The following AGBL1 variants were observed in gnomAD, a reference collection of about 807,000 sequenced individuals.
AGBL1 encodes AGBL carboxypeptidase 1, also known as cytosolic carboxypeptidase 4.
AGBL1 carries 130 observed loss-of-function variants against 118.9 expected under a neutral mutation model. The ratio of observed to expected loss-of-function variants is 1.09; its 90% CI spans 0.95 to 1.26. AGBL1 has a LOEUF of 1.26. AGBL1 is among the 50% of genes most tolerant of loss of function. The pLI, the probability that AGBL1 is intolerant of heterozygous loss-of-function variation, is 0.00. For missense variants in AGBL1, 1,584 were observed against 1,298.1 expected (o/e 1.22, Z -3.38); for synonymous variants, 555 against 478.9 (o/e 1.16, Z -2.08).
intron 23 of AGBL1, among the ~76,000 whole-genome samples, chr15:86,952,761 C>T (rs1225546599): frequency 6.6e-6 from 1 of 151,966 alleles, no homozygotes; most frequent in Admixed American, 6.6e-5. Context: ...TTGCCAAGAC[C>T]CATGTTAAAA....
intron 1 of AGBL1, among the ~76,000 whole-genome samples, chr15:86,141,044 C>G (rs987138805): frequency 6.6e-6 from 1 of 152,192 alleles, no homozygotes; most frequent in African/African-American, 2.4e-5. Flanking sequence ...AAAATACCCT[C>G]TCCTCCAAAT....
At chr15:86,824,369 T>C (rs533307328) in intron 22 of AGBL1, among the ~76,000 whole-genome samples, 7 of 152,210 alleles carry the variant, frequency 4.6e-5, no homozygotes, top group East Asian at 1.9e-4. Flanking sequence ...CACCCACATA[T>C]ACCCTTAACA....
intron 22 of AGBL1, among the ~76,000 whole-genome samples, chr15:86,791,728 TTATATATATATA>T (rs3059670): frequency 7.0e-6 from 1 of 142,874 alleles, no homozygotes; most frequent in East Asian, 2.0e-4. Flanking sequence ...TCCTTGTTTT[TTATATATATATA>T]TATATATATA....
intron 21 of AGBL1, among the ~76,000 whole-genome samples, chr15:86,579,531 A>G (rs2084144551): frequency 6.6e-6 from 1 of 152,186 alleles, no homozygotes; most frequent in African/African-American, 2.4e-5. Context: ...GTTCCATGCA[A>G]AAATGTAACT....
chr15:86,142,630 G>T (rs541560316), intron 2 of AGBL1, among the ~76,000 whole-genome samples: 10 of 152,222 alleles, frequency 6.6e-5, no homozygotes, highest in Middle Eastern at 6.8e-3. Context: ...ACACTGAACA[G>T]GCAATATCAG....
chr15:86,482,870 T>A lies in AGBL1; in HGVS notation c.2556-39940T>A, dbSNP rs143535024. On this transcript the variant is annotated intron_variant, in intron 18 of 22. Coordinates refer to ENST00000614907, the MANE Select transcript of AGBL1 (RefSeq NM_001386094.1). ...GCAAAGTATGTCTCATTATGTCAGATGAAGGATGACAAGGTTCATAAATTT... is the reference window on the plus strand; with the variant it reads ...GCAAAGTATGTCTCATTATGTCAGAAGAAGGATGACAAGGTTCATAAATTT... Among the ~76,000 whole-genome samples, 5 of 152,086 alleles carry A rather than the reference T, an allele frequency of 3.3e-5. No individual in the cohort carries two copies. The East Asian group carries it at 7.8e-4, about 24-fold the overall frequency.
At chr15:86,881,128 A>ACTTGTT (rs2079885720) in intron 22 of AGBL1, among the ~76,000 whole-genome samples, 1 of 152,154 alleles carries the variant, frequency 6.6e-6, no homozygotes, top group African/African-American at 2.4e-5. Context: ...GCTAAGTTCC[A>ACTTGTT]TTTTGCAACA....
chr15:86,695,796 C>A (rs749035177), intron 22 of AGBL1, among the ~76,000 whole-genome samples: 3 of 151,804 alleles, frequency 2.0e-5, no homozygotes, highest in Non-Finnish European at 2.9e-5. Context: ...GGTTGTGTCA[C>A]TATTATTGTT....
At chr15:86,626,996 A>C (rs7166299) in intron 21 of AGBL1, among the ~76,000 whole-genome samples, 86,387 of 150,110 alleles carry the variant, frequency 0.58, 24,769 homozygotes, top group Middle Eastern at 0.64. Flanking sequence ...TGCCACAACG[A>C]CCAGCTAATT....
At chr15:87,011,754 T>C (rs1479810066) in intron 24 of AGBL1, among the ~76,000 whole-genome samples, 1 of 152,206 alleles carries the variant, frequency 6.6e-6, no homozygotes, top group Non-Finnish European at 1.5e-5. Context: ...GATATTTGCT[T>C]AGGAGCTCAA....
rs116313076 is a variant in AGBL1, at chr15:86,382,674, T to A, written c.2375-14692T>A. Among the ~76,000 whole-genome samples the A allele has an allele frequency of 4.4e-3, 662 of 151,788 alleles. 1 individual carries two copies. The highest frequency in any genetic ancestry group is 8.4e-3 in the African/African-American group (348 of 41,376). On this transcript the variant is annotated intron_variant, in intron 17 of 22. Transcript: ENST00000614907. ...CAACAGTAACAATAATAATAATAATTATTATTATTCTCTTTCTTTTTATTT... is the reference window on the plus strand; with the variant it reads ...CAACAGTAACAATAATAATAATAATAATTATTATTCTCTTTCTTTTTATTT...
chr15:86,839,501 C>G (rs1372087773), intron 22 of AGBL1, among the ~76,000 whole-genome samples: 3 of 152,140 alleles, frequency 2.0e-5, no homozygotes, highest in Non-Finnish European at 2.9e-5. Context: ...TATTTGCTGT[C>G]CATATGTAGC....
intron 5 of AGBL1, among the ~76,000 whole-genome samples, chr15:86,201,006 A>C (rs1049609754): frequency 1.3e-5 from 2 of 152,228 alleles, no homozygotes; most frequent in African/African-American, 2.4e-5. Context: ...AGTACAAGGC[A>C]TATAGTAATA....
chr15:86,735,449 G>A (rs1320910495), intron 22 of AGBL1, among the ~76,000 whole-genome samples: 1 of 151,666 alleles, frequency 6.6e-6, no homozygotes, highest in East Asian at 1.9e-4. Context: ...ATGCTGAGTG[G>A]GCAGATTTCA....
chr15:86,895,902 T>A (rs1254572602), intron 22 of AGBL1, among the ~76,000 whole-genome samples: 1 of 152,044 alleles, frequency 6.6e-6, no homozygotes, highest in African/African-American at 2.4e-5. Flanking sequence ...ATATTTCCTA[T>A]TTTTTTCTGG....
rs1286798748 is a variant in AGBL1, at chr15:86,827,388, T to C, written c.3159-79699T>C. 4.6e-4 allele frequency among the ~76,000 whole-genome samples: 4 copies of C among 8,678 alleles called. 2 individuals are homozygous for C. The highest frequency in any genetic ancestry group is 6.0e-4 in the Non-Finnish European group (4 of 6,654). 5.7% of individuals were successfully genotyped at this position (8,678 alleles called of 152,430 possible). ...GTGTGTGTATATATATATATACACA[T>C]ATATATATACATATATATATGTGTA... On this transcript the variant is annotated intron_variant, in intron 22 of 22. Transcript: ENST00000614907.
At chr15:86,405,617 G>A (rs1197266909) in intron 18 of AGBL1, among the ~76,000 whole-genome samples, 3 of 152,110 alleles carry the variant, frequency 2.0e-5, no homozygotes, top group African/African-American at 7.2e-5. Flanking sequence ...AGGGAACAGT[G>A]GAAATAGTAC....
intron 24 of AGBL1, among the ~76,000 whole-genome samples, chr15:87,019,026 A>C (rs2081635520): frequency 6.6e-6 from 1 of 152,128 alleles, no homozygotes; most frequent in Non-Finnish European, 1.5e-5. Flanking sequence ...AAAGACAAAG[A>C]AGGGCATTAC....
chr15:86,725,925 G>T (rs913371131), intron 22 of AGBL1, among the ~76,000 whole-genome samples: 1 of 152,150 alleles, frequency 6.6e-6, no homozygotes, highest in African/African-American at 2.4e-5. Context: ...TTAAAGGACA[G>T]AGCCATATCT....
Sources: allele counts gnomAD v4.1 joint callset (sites outside exome capture counted in the v4.1 genomes callset), GRCh38; gene constraint gnomAD v4.1.1; transcripts MANE v1.5; gene names NCBI Gene and HGNC (gene_info 2026-07-23, HGNC 2026-07-21).